PLB1: variants seen among roughly 807,000 people sequenced by gnomAD.
PLB1 encodes phospholipase B1.
Under a neutral mutation model 227.4 loss-of-function variants are expected in PLB1, and 242 were observed. That is an observed-to-expected ratio of 1.06 (90% confidence interval 0.96 to 1.18). PLB1 has a LOEUF of 1.18. Ranked by LOEUF, PLB1 falls within the 50% of genes most tolerant of loss-of-function variation. The probability of loss-of-function intolerance (pLI) is 0.00; values close to 1 mark genes in which losing one functional copy is unlikely to be tolerated. For synonymous variants in PLB1, 757 were observed against 682.2 expected (o/e 1.11, Z -1.71); for missense variants, 1,858 against 1,816.3 (o/e 1.02, Z -0.42).
chr2:28,612,101 G>A (rs138128687), intron 43 of PLB1, among the ~76,000 whole-genome samples: 140 of 152,266 alleles, frequency 9.2e-4, no homozygotes, highest in Non-Finnish European at 1.7e-3. Context: ...AGCCGAGATC[G>A]CGCCACTGCA....
At chr2:28,523,860 C>T (rs1226172611) in intron 4 of PLB1, among the ~76,000 whole-genome samples, 1 of 152,222 alleles carries the variant, frequency 6.6e-6, no homozygotes, top group Non-Finnish European at 1.5e-5. Flanking sequence ...GGGGTGCCCC[C>T]TTTGCTTGGG....
At chr2:28,608,288 C>G (rs1684960460) in intron 43 of PLB1, among the ~76,000 whole-genome samples, 1 of 152,228 alleles carries the variant, frequency 6.6e-6, no homozygotes, top group Non-Finnish European at 1.5e-5. Flanking sequence ...CCCATCTGCT[C>G]CCTCCCATGT....
chr2:28,538,508 A>G, intron 10 of PLB1, 127 bp downstream of exon 10: 1 of 776,752 alleles, frequency 1.3e-6, no homozygotes, highest in East Asian at 2.7e-5. Flanking sequence ...GGGAAACTTT[A>G]GAGCACCCCA....
At chr2:28,625,686 A>C (rs930795622) in intron 50 of PLB1, among the ~76,000 whole-genome samples, 1 of 151,978 alleles carries the variant, frequency 6.6e-6, no homozygotes, top group African/African-American at 2.4e-5. Context: ...CTAAGAACTC[A>C]TCCCAGGGGC....
At chr2:28,570,680 G>A (rs375965122) in intron 20 of PLB1, among the ~76,000 whole-genome samples, 2 of 152,310 alleles carry the variant, frequency 1.3e-5, no homozygotes, top group East Asian at 3.9e-4. Context: ...CAGCTGCATG[G>A]GAGGCTGAGG....
chr2:28,572,401 C>T (rs1248262513), intron 20 of PLB1, among the ~76,000 whole-genome samples: 1 of 152,130 alleles, frequency 6.6e-6, no homozygotes, highest in African/African-American at 2.4e-5. Context: ...TAACCTTTTC[C>T]ACTCTTAGAT....
rs965431826 is a variant in PLB1 at position 28,600,842 on chromosome 2, G to A, written c.2508G>A (p.Gln836=). The A allele has an allele frequency of 3.0e-5, 48 of 1,612,022 alleles. No homozygotes were observed. The highest frequency in any genetic ancestry group is 4.1e-5 in the Non-Finnish European group (48 of 1,178,164). Residue 836 remains glutamine, a synonymous_variant, in exon 36 of 58, where the codon CAG becomes CAA. Transcript: ENST00000327757. ...DLMSQVQTLM[Q]KMKDDHRVNF... ...TGAGCCAAGTCCAAACTCTGATGCA[G>A]AAGATGAAAGATGATCATGTGAGTC...
intron 1 of PLB1, among the ~76,000 whole-genome samples, chr2:28,508,133 A>G (rs1354528105): frequency 2.6e-5 from 4 of 152,222 alleles, no homozygotes; most frequent in Non-Finnish European, 4.4e-5. Flanking sequence ...CCTTCTTTCA[A>G]AGAGACTTTG....
intron 4 of PLB1, among the ~76,000 whole-genome samples, chr2:28,520,889 C>T (rs754421090): frequency 3.3e-5 from 5 of 152,126 alleles, no homozygotes; most frequent in African/African-American, 4.8e-5. Flanking sequence ...GCAGGAGAAT[C>T]GCTTGAACCC....
intron 23 of PLB1, among the ~76,000 whole-genome samples, chr2:28,581,172 G>A (rs1036974783): frequency 2.6e-5 from 4 of 151,818 alleles, no homozygotes; most frequent in Non-Finnish European, 5.9e-5. Flanking sequence ...CGCAAATATC[G>A]AGATCAGGAG....
At chr2:28,532,494 A>G (rs1205232499) in intron 9 of PLB1, among the ~76,000 whole-genome samples, 1 of 152,220 alleles carries the variant, frequency 6.6e-6, no homozygotes, top group Non-Finnish European at 1.5e-5. Context: ...TTAAGTGTAC[A>G]GTTCAGTGAC....
At chr2:28,562,970 G>C (rs1030115947) in intron 17 of PLB1, 71 bp from the exon 18 acceptor site, 1 of 1,396,770 alleles carries the variant, frequency 7.2e-7, no homozygotes, top group Admixed American at 1.7e-5. Context: ...TTGTTCCTTT[G>C]TTTCAGAGTA....
chr2:28,623,636 G>A (rs1687343650), intron 49 of PLB1, among the ~76,000 whole-genome samples: 1 of 150,910 alleles, frequency 6.6e-6, no homozygotes, highest in Non-Finnish European at 1.5e-5. Flanking sequence ...GCTTACCGTG[G>A]CCACCCAAAG....
intron 1 of PLB1, among the ~76,000 whole-genome samples, chr2:28,501,602 C>A (rs1667110639): frequency 6.6e-6 from 1 of 152,152 alleles, no homozygotes; most frequent in Non-Finnish European, 1.5e-5. Context: ...GTCCCATCCC[C>A]TTCCCCTACC....
Position 28,549,397 on chromosome 2 carries a change from T to C in PLB1, c.1008+466T>C, listed in dbSNP as rs1041311574. ...GGATGAGAAAATAACTGGACATAAA[T>C]GAATGAGATTCTTTCTTTTTTTTTT... On this transcript the variant is annotated intron_variant, in intron 15 of 57. Coordinates refer to ENST00000327757, the MANE Select transcript of PLB1 (RefSeq NM_153021.5). Among the ~76,000 whole-genome samples, 3 of 148,260 alleles carry C rather than the reference T, an allele frequency of 2.0e-5. No homozygotes were observed. The Admixed American group carries it at 2.1e-4, about 10-fold the overall frequency.
Position 28,642,912 on chromosome 2 carries a change from G to A in PLB1, c.4228G>A (p.Glu1410Lys), listed in dbSNP as rs1463045676. The change falls in exon 58 of 58, where the codon GAA (glutamate) becomes AAA (lysine). Residue 1410 changes from glutamate (E) to lysine (K), a missense_variant. By Grantham distance (56) the Glu-to-Lys change is moderately conservative (BLOSUM62 1). Transcript: ENST00000327757. The part of the protein sequence containing the change: ...RNSRLLPDQA[E>K]EAPEVLYWAV... ...CAGCCGATTGCTCCCAGACCAGGCT[G>A]AAGAAGCCCCCGAGGTGCTCTACTG... 6.2e-7 allele frequency: 1 copy of A among 1,608,826 alleles called. No homozygotes were observed. The highest frequency in any genetic ancestry group is 8.5e-7 in the Non-Finnish European group (1 of 1,177,660).
intron 33 of PLB1, among the ~76,000 whole-genome samples, chr2:28,597,643 T>G (rs1014455392): frequency 4.6e-5 from 7 of 152,204 alleles, no homozygotes; most frequent in African/African-American, 1.4e-4. Flanking sequence ...TCTGTGCACC[T>G]CATTTTCTTA....
At chr2:28,524,842 C>T (rs13383846) in intron 4 of PLB1, among the ~76,000 whole-genome samples, 1 of 124,684 alleles carries the variant, frequency 8.0e-6, no homozygotes, top group South Asian at 2.5e-4. Context: ...CTCTCTCTCT[C>T]TCTTTTTTTT....
intron 53 of PLB1, 33 bp downstream of exon 53, chr2:28,629,218 G>T: frequency 6.2e-7 from 1 of 1,600,318 alleles, no homozygotes. Context: ...CAAGGCAAGG[G>T]CACCTGGGGT....
Sources: allele counts gnomAD v4.1 joint callset (sites outside exome capture counted in the v4.1 genomes callset), GRCh38; gene constraint gnomAD v4.1.1; transcripts MANE v1.5; gene names NCBI Gene and HGNC (gene_info 2026-07-23, HGNC 2026-07-21).